The following RARB variants were observed in gnomAD, a reference collection of about 807,000 sequenced individuals.
RARB encodes HBV-activated protein.
A neutral mutation model predicts 51.9 loss-of-function variants in RARB; 17 were observed. The ratio of observed to expected loss-of-function variants is 0.33; its 90% CI spans 0.22 to 0.49. The LOEUF (loss-of-function observed/expected upper bound fraction) is 0.49. Among genes scored for constraint, RARB ranks in the 20% least tolerant of loss-of-function variants. RARB has a pLI of 0.99. For missense variants in RARB, 369 were observed against 550.8 expected, an observed-to-expected ratio of 0.67 and a Z score of 3.30; for synonymous variants, 215 against 195.4, an observed-to-expected ratio of 1.10 and a Z score of -0.84.
intron 4 of RARB, among the ~76,000 whole-genome samples, chr3:25,173,458 G>A (rs1428771024): frequency 6.6e-6 from 1 of 152,130 alleles, no homozygotes; most frequent in African/African-American, 2.4e-5. Context: ...GCACAGTTGT[G>A]AAAGATGTTG....
intron 2 of RARB, among the ~76,000 whole-genome samples, chr3:24,890,579 T>C (rs1355575013): frequency 6.6e-6 from 1 of 152,080 alleles, no homozygotes; most frequent in Non-Finnish European, 1.5e-5. Context: ...AAAGATCCCA[T>C]CTCTTGGTGG....
At chr3:24,895,160 A>G (rs2125367056) in intron 2 of RARB, among the ~76,000 whole-genome samples, 1 of 152,358 alleles carries the variant, frequency 6.6e-6, no homozygotes, top group African/African-American at 2.4e-5. Context: ...TTTAAATGAT[A>G]TAATCTCTAT....
intron 5 of RARB, among the ~76,000 whole-genome samples, chr3:25,323,421 A>G (rs1334450813): frequency 2.0e-5 from 3 of 152,216 alleles, no homozygotes; most frequent in Admixed American, 6.5e-5. Context: ...GAATTTTTCC[A>G]TTTGTGCCCT....
At chr3:25,427,902 G>A (rs1485550074), upstream of RARB, among the ~76,000 whole-genome samples, 1 of 152,126 alleles carries the variant, frequency 6.6e-6, no homozygotes. Context: ...GGAGGCGAGC[G>A]GGCGCAGGCG....
intron 2 of RARB, among the ~76,000 whole-genome samples, chr3:25,038,496 G>A (rs1698047202): frequency 6.6e-6 from 1 of 152,116 alleles, no homozygotes. Context: ...CATTGTTAGA[G>A]CTGTAATATA....
At chr3:24,895,936 C>T (rs894239524) in intron 2 of RARB, among the ~76,000 whole-genome samples, 1 of 152,022 alleles carries the variant, frequency 6.6e-6, no homozygotes, top group Admixed American at 6.6e-5. Flanking sequence ...GCATTATTCA[C>T]AATAGCCAAA....
At chr3:25,044,349 G>A (rs895661297) in intron 2 of RARB, among the ~76,000 whole-genome samples, 2 of 152,138 alleles carry the variant, frequency 1.3e-5, no homozygotes, top group African/African-American at 4.8e-5. Context: ...AACTGTATCT[G>A]AGTCTGCCTA....
At chr3:25,543,973 A>G (rs1699499633) in intron 3 of RARB, among the ~76,000 whole-genome samples, 1 of 152,246 alleles carries the variant, frequency 6.6e-6, no homozygotes, top group Non-Finnish European at 1.5e-5. Context: ...ATCATGATGT[A>G]TAAAGATGTT....
At chr3:24,867,524 T>C (rs1251246101) in intron 2 of RARB, among the ~76,000 whole-genome samples, 2 of 152,174 alleles carry the variant, frequency 1.3e-5, no homozygotes, top group Non-Finnish European at 2.9e-5. Context: ...ACTGTTCATA[T>C]AGTTGTCTCA....
chr3:25,103,358 A>G (rs1386948705), intron 3 of RARB, among the ~76,000 whole-genome samples: 1 of 152,192 alleles, frequency 6.6e-6, no homozygotes, highest in East Asian at 1.9e-4. Context: ...TCTTCTCACA[A>G]TTCCATTATT....
intron 5 of RARB, among the ~76,000 whole-genome samples, chr3:25,264,928 C>A (rs1391429852): frequency 6.6e-6 from 1 of 152,066 alleles, no homozygotes; most frequent in African/African-American, 2.4e-5. Flanking sequence ...AAAACATTCC[C>A]AATGTGATAG....
intron 2 of RARB, among the ~76,000 whole-genome samples, chr3:24,935,359 C>G (rs1442591977): frequency 6.6e-6 from 1 of 152,066 alleles, no homozygotes; most frequent in Non-Finnish European, 1.5e-5. Context: ...AAACAGAAAT[C>G]TTTAAAACCC....
chr3:24,978,299 C>T lies in RARB; in HGVS notation c.-379-81826C>T, dbSNP rs187358706. ...GAGTTAGGGAGAATTCCCTCTTTTT[C>T]TGTTGTTTGGAATAGTTTCAGAAGG... is the stretch of plus-strand genomic sequence containing the variant. On this transcript the variant is annotated intron_variant, in intron 2 of 11. Coordinates refer to the RARB transcript ENST00000383772. 2.3e-3 allele frequency among the ~76,000 whole-genome samples: 345 copies of T among 152,108 alleles called. 2 individuals are homozygous for T. The highest frequency in any genetic ancestry group is 2.8e-3 in the Non-Finnish European group (191 of 67,996).
At chr3:25,050,985 A>G (rs1698321771) in intron 2 of RARB, among the ~76,000 whole-genome samples, 1 of 152,182 alleles carries the variant, frequency 6.6e-6, no homozygotes, top group South Asian at 2.1e-4. Context: ...AAAATTTGAC[A>G]TCATTCATTT....
At chr3:25,122,100 G>A (rs947852393) in intron 3 of RARB, among the ~76,000 whole-genome samples, 2 of 152,020 alleles carry the variant, frequency 1.3e-5, no homozygotes, top group African/African-American at 2.4e-5. Context: ...AACCCACAAC[G>A]CAAATAAGAT....
intron 4 of RARB, among the ~76,000 whole-genome samples, chr3:25,164,175 T>C (rs996466395): frequency 2.0e-5 from 3 of 152,182 alleles, no homozygotes; most frequent in Non-Finnish European, 4.4e-5. Context: ...ATTATATCTT[T>C]GACCTCAGCC....
At chr3:25,327,594 CACTGTACTCTTT>C (rs1255117327) in intron 5 of RARB, among the ~76,000 whole-genome samples, 3 of 152,156 alleles carry the variant, frequency 2.0e-5, no homozygotes, top group Non-Finnish European at 4.4e-5. Flanking sequence ...TGTTTCTCTC[CACTGTACTCTTT>C]ACTAATCTGA....
chr3:25,478,104 G>A (rs548306882), intron 2 of RARB, among the ~76,000 whole-genome samples: 106 of 152,136 alleles, frequency 7.0e-4, no homozygotes, highest in Non-Finnish European at 1.2e-3. Context: ...GTCCAAAAAC[G>A]AAGGTTGCAG....
intron 2 of RARB, among the ~76,000 whole-genome samples, chr3:25,036,833 A>G (rs903136926): frequency 3.3e-5 from 5 of 152,130 alleles, no homozygotes; most frequent in African/African-American, 1.2e-4. Flanking sequence ...ATCTGGCCAG[A>G]TTCTCTGGGT....
Sources: gnomAD v4.1 joint callset for allele counts (sites outside exome capture counted in the v4.1 genomes callset) on GRCh38, gnomAD v4.1.1 for gene constraint, MANE v1.5 for transcripts, NCBI Gene and HGNC (gene_info 2026-07-23, HGNC 2026-07-21) for gene names.